Variants in GMDS observed in about 807,000 individuals in gnomAD.
GMDS encodes the protein GDP-mannose 4,6-dehydratase, also known as GDP-mannose 4,6 dehydratase.
GMDS carries 20 observed loss-of-function variants against 49.9 expected under a neutral mutation model. The ratio of observed to expected loss-of-function variants is 0.40; its 90% CI spans 0.28 to 0.58. The LOEUF is 0.58. Ranked by LOEUF, GMDS falls within the 20% of genes least tolerant of loss-of-function variation. The pLI is 0.42. For missense variants in GMDS, 362 were observed against 481.4 expected (o/e 0.75, Z 2.32); for synonymous variants, 177 against 178.6 (o/e 0.99, Z 0.07).
In GMDS at chr6:1,843,639, G is replaced by A. The variant is rs577589922; in HGVS notation, c.771+86464C>T. Among the ~76,000 whole-genome samples the A allele has an allele frequency of 1.1e-4, 16 of 152,150 alleles. No homozygotes were observed. The East Asian group carries it at 1.7e-3, about 17-fold the overall frequency. ...AAAAATTAGCTGGGTGTGGTGGCAC[G>A]CACCTGTAGTCCCAGTTACCCAGGA... On this transcript the variant is annotated intron_variant, in intron 7 of 10. Coordinates refer to ENST00000380815, the MANE Select transcript of GMDS (RefSeq NM_001500.4).
chr6:1,938,537 T>C (rs989534299), intron 6 of GMDS, among the ~76,000 whole-genome samples: 1 of 152,208 alleles, frequency 6.6e-6, no homozygotes, highest in African/African-American at 2.4e-5. Context: ...GTGTTTCCGG[T>C]CTAATTGTCA....
At chr6:1,796,684 C>T (rs1769746644) in intron 7 of GMDS, among the ~76,000 whole-genome samples, 1 of 152,212 alleles carries the variant, frequency 6.6e-6, no homozygotes, top group African/African-American at 2.4e-5. Context: ...CCTCTCGCTT[C>T]AGTTAAAAAT....
intron 9 of GMDS, among the ~76,000 whole-genome samples, chr6:1,686,305 T>C (rs1229814344): frequency 1.3e-5 from 2 of 152,208 alleles, no homozygotes; most frequent in East Asian, 3.8e-4. Flanking sequence ...TGCCAAATAT[T>C]TGTAATCTGC....
chr6:1,871,349 A>C (rs1015575960), intron 7 of GMDS, among the ~76,000 whole-genome samples: 3 of 152,248 alleles, frequency 2.0e-5, no homozygotes, highest in African/African-American at 7.2e-5. Context: ...AGGTCATTAA[A>C]TAGTGAAAGA....
At chr6:2,143,633 C>G (rs989696693) in intron 1 of GMDS, among the ~76,000 whole-genome samples, 1 of 152,120 alleles carries the variant, frequency 6.6e-6, no homozygotes, top group African/African-American at 2.4e-5. Context: ...GTGGGAGAGG[C>G]AAGGCGCCTC....
At chr6:2,146,286 G>A (rs1329102701) in intron 1 of GMDS, among the ~76,000 whole-genome samples, 1 of 152,178 alleles carries the variant, frequency 6.6e-6, no homozygotes, top group African/African-American at 2.4e-5. Context: ...ACCGCAAGAT[G>A]TAGGATATAC....
At chr6:1,772,939 T>C (rs1768640142) in intron 7 of GMDS, among the ~76,000 whole-genome samples, 1 of 152,210 alleles carries the variant, frequency 6.6e-6, no homozygotes, top group Non-Finnish European at 1.5e-5. Flanking sequence ...TAACTGTCAT[T>C]AGCTGGAACC....
chr6:1,771,367 C>T (rs567551535), intron 7 of GMDS, among the ~76,000 whole-genome samples: 1 of 152,328 alleles, frequency 6.6e-6, no homozygotes, highest in Admixed American at 6.5e-5. Context: ...GTTTGAATCC[C>T]AGCTCTGCTA....
intron 7 of GMDS, among the ~76,000 whole-genome samples, chr6:1,906,676 C>G (rs770320214): frequency 3.9e-5 from 6 of 152,214 alleles, no homozygotes; most frequent in Middle Eastern, 6.8e-3. Flanking sequence ...GCCTACGGGT[C>G]CTGGGTTTGC....
chr6:1,788,996 G>A (rs1027462917), intron 7 of GMDS, among the ~76,000 whole-genome samples: 6 of 152,132 alleles, frequency 3.9e-5, no homozygotes, highest in African/African-American at 1.4e-4. Context: ...ATAACCAACT[G>A]GTTATAAACC....
chr6:1,845,779 A>G (rs912271456), intron 7 of GMDS, among the ~76,000 whole-genome samples: 1 of 152,138 alleles, frequency 6.6e-6, no homozygotes, highest in African/African-American at 2.4e-5. Flanking sequence ...CTGTGCTATG[A>G]GAATCTAATG....
At chr6:2,184,603 A>G (rs1778696830) in intron 1 of GMDS, among the ~76,000 whole-genome samples, 2 of 151,852 alleles carry the variant, frequency 1.3e-5, no homozygotes, top group African/African-American at 4.8e-5. Flanking sequence ...ATTCCCTGTC[A>G]CTCTCTAGCA....
intron 4 of GMDS, among the ~76,000 whole-genome samples, chr6:2,113,645 C>T (rs1441253265): frequency 3.3e-5 from 5 of 152,024 alleles, no homozygotes; most frequent in East Asian, 3.9e-4. Context: ...GTGTCGGTTC[C>T]GCCTCGCACT....
intron 7 of GMDS, among the ~76,000 whole-genome samples, chr6:1,749,214 G>A (rs1243743234): frequency 2.6e-5 from 4 of 152,178 alleles, no homozygotes; most frequent in Admixed American, 6.5e-5. Flanking sequence ...GCTCTCTGGC[G>A]ATGTTTGCTT....
intron 4 of GMDS, among the ~76,000 whole-genome samples, chr6:1,993,389 C>A (rs1024576572): frequency 6.6e-6 from 1 of 152,196 alleles, no homozygotes; most frequent in East Asian, 1.9e-4. Context: ...GAAGACCCTA[C>A]ACTTCTGACT....
intron 8 of GMDS, among the ~76,000 whole-genome samples, chr6:1,733,022 C>T (rs1766872180): frequency 6.6e-6 from 1 of 152,210 alleles, no homozygotes; most frequent in South Asian, 2.1e-4. Flanking sequence ...CTGAGCTCTG[C>T]CCCAGAGATG....
chr6:2,069,190 G>C (rs900614655), intron 4 of GMDS, among the ~76,000 whole-genome samples: 6 of 152,124 alleles, frequency 3.9e-5, no homozygotes, highest in African/African-American at 1.4e-4. Flanking sequence ...TTAATAAATG[G>C]TGCTGGGAAA....
At chr6:1,830,146 G>T (rs1008617188) in intron 7 of GMDS, among the ~76,000 whole-genome samples, 1 of 152,214 alleles carries the variant, frequency 6.6e-6, no homozygotes, top group South Asian at 2.1e-4. Context: ...CAAATTTCAA[G>T]TGCTCAAAAT....
In GMDS at chr6:2,245,562, G is replaced by A. The variant is rs1781832450; in HGVS notation, c.-140C>T. 3 of 439,998 alleles carry A rather than the reference G, an allele frequency of 6.8e-6. No homozygotes were observed. Among genetic ancestry groups the A allele is most frequent in the Admixed American group, 9.3e-5 (2 of 21,610 alleles). 27.3% of individuals were successfully genotyped at this position (439,998 alleles called of 1,614,324 possible). ...GGAGGGAGAGCGCACCGCGCGACCG[G>A]CCGCCACAGTCTGACAGGGGCGCAC... On this transcript the variant is annotated 5_prime_UTR_variant, in exon 1 of 11. Coordinates refer to ENST00000380815, the MANE Select transcript of GMDS (RefSeq NM_001500.4).
Sources: allele counts gnomAD v4.1 joint callset (sites outside exome capture counted in the v4.1 genomes callset), GRCh38; gene constraint gnomAD v4.1.1; transcripts MANE v1.5; gene names NCBI Gene and HGNC (gene_info 2026-07-23, HGNC 2026-07-21).